Variants in NRXN3 observed in about 807,000 individuals in gnomAD.
The protein encoded by NRXN3 is neurexin 3.
Under a neutral mutation model 137.6 loss-of-function variants are expected in NRXN3, and 32 were observed. The ratio of observed to expected loss-of-function variants is 0.23; its 90% CI spans 0.18 to 0.31. The LOEUF (loss-of-function observed/expected upper bound fraction) is 0.31, where lower values mean the gene tolerates loss of function less well. NRXN3 is among the 10% of genes least tolerant of loss of function. The pLI, the probability that NRXN3 is intolerant of heterozygous loss-of-function variation, is 1.00. For synonymous variants in NRXN3, 798 were observed against 784.5 expected (o/e 1.02, Z -0.29); for missense variants, 1,574 against 2,062.5 (o/e 0.76, Z 4.59).
Position 78,972,171 on chromosome 14 carries a change from C to T in NRXN3, c.3142+3825C>T, listed in dbSNP as rs377598348. On this transcript the variant is annotated intron_variant, in intron 14 of 20. Coordinates refer to ENST00000335750, the MANE Select transcript of NRXN3 (RefSeq NM_001330195.2). The stretch of plus-strand genomic sequence containing the variant: ...TAAATGTATCTTCCTATATTGAGGC[C>T]AGCTTTGCTGCAGAGGCCAAGGCAT... 2.1e-3 allele frequency among the ~76,000 whole-genome samples: 321 copies of T among 152,114 alleles called. 1 individual carries two copies. The highest frequency in any genetic ancestry group is 3.4e-3 in the Non-Finnish European group (234 of 67,992).
Position 79,454,804 on chromosome 14 carries a change from A to G in NRXN3, c.3263-12417A>G, listed in dbSNP as rs553158319. On this transcript the variant is annotated intron_variant, in intron 15 of 20. Transcript: ENST00000335750. ...GAATTTTTTCCAATACTTAAAAAAA[A>G]TCCTGAGTAAAATTATATTCAAATT... 3.9e-5 allele frequency among the ~76,000 whole-genome samples: 6 copies of G among 152,308 alleles called. No individual in the cohort carries two copies. The South Asian group carries it at 1.0e-3, about 26-fold the overall frequency.
chr14:79,079,207 C>G (rs2046474101), intron 15 of NRXN3, among the ~76,000 whole-genome samples: 1 of 152,110 alleles, frequency 6.6e-6, no homozygotes, highest in Admixed American at 6.6e-5. Context: ...AATTACCAGG[C>G]AAACGTTACT....
chr14:79,564,230 C>T (rs890652449), intron 16 of NRXN3, among the ~76,000 whole-genome samples: 8 of 150,580 alleles, frequency 5.3e-5, no homozygotes, highest in South Asian at 2.1e-4. Context: ...GGTTTGAGGG[C>T]GAGTCAAGTT....
chr14:79,397,101 G>A (rs1171890615), intron 15 of NRXN3, among the ~76,000 whole-genome samples: 2 of 152,064 alleles, frequency 1.3e-5, no homozygotes, highest in African/African-American at 2.4e-5. Context: ...ATTTAAAGTA[G>A]GTGAGATTGG....
At chr14:79,787,470 C>T (rs1366870772) in intron 19 of NRXN3, among the ~76,000 whole-genome samples, 1 of 152,128 alleles carries the variant, frequency 6.6e-6, no homozygotes, top group Admixed American at 6.5e-5. Context: ...ACTCTAGTCA[C>T]CATGCTGTGT....
intron 19 of NRXN3, among the ~76,000 whole-genome samples, chr14:79,705,939 G>T (rs1171982966): frequency 6.6e-6 from 1 of 152,166 alleles, no homozygotes; most frequent in Non-Finnish European, 1.5e-5. Context: ...TAGAACAGTA[G>T]CGAGCACAGA....
chr14:79,099,405 G>A (rs1330827399), intron 15 of NRXN3, among the ~76,000 whole-genome samples: 1 of 152,074 alleles, frequency 6.6e-6, no homozygotes, highest in African/African-American at 2.4e-5. Flanking sequence ...CTTAAAGCAA[G>A]ACACTTCTGA....
intron 17 of NRXN3, among the ~76,000 whole-genome samples, chr14:79,691,815 A>T (rs986086784): frequency 1.3e-5 from 2 of 152,080 alleles, no homozygotes; most frequent in Non-Finnish European, 2.9e-5. Flanking sequence ...CTGATCTGGC[A>T]GGTGAATTAG....
chr14:78,213,018 G>C (rs369400764), intron 1 of NRXN3, among the ~76,000 whole-genome samples: 1 of 152,176 alleles, frequency 6.6e-6, no homozygotes, highest in Non-Finnish European at 1.5e-5. Context: ...GGGTTTTATG[G>C]ACATGGCTTA....
Position 79,842,207 on chromosome 14 carries a change from G to A in NRXN3, c.4094-19135G>A, listed in dbSNP as rs370902451. ...CTCTTGGAGCTTATATTCCAGTGAA[G>A]TGGGGGAGGACTAAATGTAAATACA... On this transcript the variant is annotated intron_variant, in intron 20 of 20. Coordinates refer to ENST00000335750, the MANE Select transcript of NRXN3 (RefSeq NM_001330195.2). 1.1e-4 allele frequency among the ~76,000 whole-genome samples: 16 copies of A among 152,318 alleles called. No individual in the cohort carries two copies. The East Asian group carries it at 3.1e-3, about 29-fold the overall frequency.
intron 19 of NRXN3, among the ~76,000 whole-genome samples, chr14:79,796,340 C>T (rs1022718922): frequency 3.9e-5 from 6 of 152,166 alleles, no homozygotes; most frequent in Admixed American, 3.9e-4. Context: ...ATTCCTCCTG[C>T]TTTTGGGAAG....
intron 16 of NRXN3, among the ~76,000 whole-genome samples, chr14:79,565,219 G>GTGTGTGTATATATACATATA (rs1421555564): frequency 2.7e-5 from 4 of 145,580 alleles, no homozygotes; most frequent in African/African-American, 1.0e-4. Context: ...GTATATATAT[G>GTGTGTGTATATATACATATA]TGTGTGTATA....
intron 19 of NRXN3, among the ~76,000 whole-genome samples, chr14:79,742,015 G>T (rs946210068): frequency 1.3e-5 from 2 of 152,048 alleles, no homozygotes; most frequent in African/African-American, 4.8e-5. Flanking sequence ...ATACATATTT[G>T]TCAGCCACTA....
At chr14:79,689,503 T>G (rs1471645103) in intron 17 of NRXN3, among the ~76,000 whole-genome samples, 1 of 152,118 alleles carries the variant, frequency 6.6e-6, no homozygotes, top group Non-Finnish European at 1.5e-5. Context: ...GTTTTCCAAA[T>G]GACCTTCCAT....
chr14:79,221,363 C>T (rs1247778390), intron 15 of NRXN3, among the ~76,000 whole-genome samples: 1 of 152,148 alleles, frequency 6.6e-6, no homozygotes, highest in African/African-American at 2.4e-5. Context: ...AATTTACACT[C>T]CCCCCAACAG....
intron 4 of NRXN3, among the ~76,000 whole-genome samples, chr14:78,397,456 G>C (rs796796021): frequency 6.8e-6 from 1 of 146,402 alleles, no homozygotes; most frequent in Non-Finnish European, 1.5e-5. Context: ...CATTCACTGC[G>C]ATTTTTATTT....
At chr14:78,263,048 C>CA (rs972590961) in intron 2 of NRXN3, among the ~76,000 whole-genome samples, 19 of 31,076 alleles carry the variant, frequency 6.1e-4, no homozygotes, top group African/African-American at 3.8e-3. Context: ...TTGGTGAAGT[C>CA]ACTTTTTTTT....
intron 17 of NRXN3, among the ~76,000 whole-genome samples, chr14:79,684,570 C>T (rs995151901): frequency 1.3e-5 from 2 of 152,084 alleles, no homozygotes; most frequent in Non-Finnish European, 1.5e-5. Flanking sequence ...TCTTGAGCAT[C>T]GGAGATATTA....
rs551574529 is a variant in NRXN3, at chr14:79,446,132, G to A, written c.3263-21089G>A. Among the ~76,000 whole-genome samples, 73 of 152,242 alleles carry A rather than the reference G, an allele frequency of 4.8e-4. 1 individual carries two copies. The highest frequency in any genetic ancestry group is 5.8e-4 in the East Asian group (3 of 5,176). On this transcript the variant is annotated intron_variant, in intron 15 of 20. Transcript: ENST00000335750. ...AGGCAGACAAAAACGAATAAGAACCGTGAAGAAAATATAGAGTTTATATGA... is the reference window on the plus strand; with the variant it reads ...AGGCAGACAAAAACGAATAAGAACCATGAAGAAAATATAGAGTTTATATGA...
Sources: gnomAD v4.1 joint callset for allele counts (sites outside exome capture counted in the v4.1 genomes callset) on GRCh38, gnomAD v4.1.1 for gene constraint, MANE v1.5 for transcripts, NCBI Gene and HGNC (gene_info 2026-07-23, HGNC 2026-07-21) for gene names.